Variants in PPIL2 observed in about 807,000 individuals in gnomAD.
The protein encoded by PPIL2 is peptidylprolyl isomerase like 2, also known as RING-type E3 ubiquitin-protein ligase PPIL2.
PPIL2 carries 50 observed loss-of-function variants against 75.2 expected under a neutral mutation model. The ratio of observed to expected loss-of-function variants is 0.66; its 90% CI spans 0.53 to 0.84. The LOEUF is 0.84. PPIL2 is among the 40% of genes least tolerant of loss of function. PPIL2 has a pLI of 0.00. For missense variants in PPIL2, 590 were observed against 685.0 expected, an observed-to-expected ratio of 0.86 and a Z score of 1.55; for synonymous variants, 245 against 258.8, an observed-to-expected ratio of 0.95 and a Z score of 0.51.
intron 15 of PPIL2, among the ~76,000 whole-genome samples, chr22:21,691,488 C>T (rs151232419): frequency 0.019 from 2,813 of 151,968 alleles, 78 homozygotes; most frequent in African/African-American, 0.063. Flanking sequence ...AGACCATCCT[C>T]GCTAACACGG....
In PPIL2 at chr22:21,672,615, C is replaced by T. The variant is rs543812303; in HGVS notation, c.243+234C>T. Among the ~76,000 whole-genome samples, 8 of 152,300 alleles carry T rather than the reference C, an allele frequency of 5.3e-5. No individual in the cohort carries two copies. In the South Asian group the frequency reaches 8.3e-4, roughly 16 times the overall value. On this transcript the variant is annotated intron_variant, in intron 5 of 19. Coordinates refer to ENST00000398831, the MANE Select transcript of PPIL2 (RefSeq NM_014337.4). Reference sequence around the variant, plus strand: ...TTTTCTTGGGCCATAGCTGTGACCTCGTCTTAACTTGATTCTATCTGCAAA... The same window carrying T: ...TTTTCTTGGGCCATAGCTGTGACCTTGTCTTAACTTGATTCTATCTGCAAA...
rs941221423 is a variant in PPIL2 at position 21,693,822 on chromosome 22, C to A, written c.1146C>A (p.Ile382=). ...ATCCAGCCCTCCTCCCCAGCTTCAT[C>A]ACGTTTCGCTCCTGTGCCTACCTGG... ...GPNSNRSQFF[I]TFRSCAYLDK... Residue 382 remains isoleucine (I), a synonymous_variant, in exon 16 of 20, where the codon ATC becomes ATA. Transcript: ENST00000398831. 4 of 1,540,632 alleles carry A rather than the reference C, an allele frequency of 2.6e-6. No homozygotes were observed. The highest frequency in any genetic ancestry group is 1.4e-5 in the African/African-American group (1 of 73,280).
At position 21,694,758 on chromosome 22, in the gene PPIL2, G is replaced by GAGAT. The variant is rs775543695; in HGVS notation, c.1274_1277dup (p.Arg427AspfsTer4). ...ACTGAGCCCCCTTTGCTGCTAGGAG[G>GAGAT]AGATCCGCATTGATGCCACTACAGT... On this transcript the variant is annotated frameshift_variant, in exon 18 of 20. Coordinates refer to ENST00000398831, the MANE Select transcript of PPIL2 (RefSeq NM_014337.4). LOFTEE classifies it high-confidence loss of function. 1.8e-5 allele frequency: 29 copies of GAGAT among 1,610,518 alleles called. No homozygotes were observed. The highest frequency in any genetic ancestry group is 2.5e-5 in the Non-Finnish European group (29 of 1,177,886).
Position 21,694,669 on chromosome 22 carries a change from T to G in PPIL2, c.1269+4T>G, listed in dbSNP as rs930160794. On this transcript the variant is annotated splice_donor_region_variant and intron_variant, in intron 17 of 19. Transcript: ENST00000398831. ...CCCCAAAACTGACCGCCCTAAGGTCTGTGCCCAGGGAGGTGGGGCGTGGCG... is the reference window on the plus strand; with the variant it reads ...CCCCAAAACTGACCGCCCTAAGGTCGGTGCCCAGGGAGGTGGGGCGTGGCG... 3.1e-6 allele frequency: 5 copies of G among 1,613,934 alleles called. No homozygotes were observed. In the African/African-American group the frequency reaches 6.7e-5, roughly 22 times the overall value.
At chr22:21,692,877 C>G (rs861822) in intron 15 of PPIL2, among the ~76,000 whole-genome samples, 146,857 of 149,748 alleles carry the variant, frequency 0.98, 72,107 homozygotes, top group African/African-American at 1. Context: ...AGTGAACCGA[C>G]ATCGCGCCAC....
In PPIL2 at chr22:21,669,943, T is replaced by G. The variant is rs1409581266; in HGVS notation, c.63T>G (p.Phe21Leu). 6.2e-7 allele frequency: 1 copy of G among 1,614,038 alleles called. No homozygotes were observed. Among genetic ancestry groups the G allele is most frequent in the East Asian group, 2.2e-5 (1 of 44,876 alleles). ...MYITCAEYTHFYGGKKPDLPQ... is the reference protein window; with the variant it reads ...MYITCAEYTHLYGGKKPDLPQ... ...TTACCTGTGCTGAATACACTCACTT[T>G]TATGGTGGCAAGAAGCCAGGTAAGG... is the stretch of plus-strand genomic sequence containing the variant. The change falls in exon 2 of 20, where the codon TTT becomes TTG. Residue 21 changes from phenylalanine to leucine, a missense_variant. Phe to Leu is a conservative substitution (Grantham distance 22). Transcript: ENST00000398831.
intron 6 of PPIL2, among the ~76,000 whole-genome samples, chr22:21,677,070 G>A (rs564734533): frequency 6.6e-6 from 1 of 151,090 alleles, no homozygotes; most frequent in Non-Finnish European, 1.5e-5. Context: ...GCTGCCGGGC[G>A]GAGACGCTCC....
chr22:21,674,983 T>G, intron 5 of PPIL2, 81 bp from the exon 6 acceptor site: 1 of 1,320,948 alleles, frequency 7.6e-7, no homozygotes, highest in East Asian at 2.3e-5. Context: ...CAGAGACTTT[T>G]CCTGCCTGTC....
intron 15 of PPIL2, among the ~76,000 whole-genome samples, chr22:21,692,063 C>G (rs1245877552): frequency 7.4e-6 from 1 of 134,648 alleles, no homozygotes; most frequent in Admixed American, 7.5e-5. Flanking sequence ...TGTCTTCCAT[C>G]GTTTTCTTTT....
Position 21,681,407 on chromosome 22 carries a change from G to C in PPIL2, c.387+17G>C, listed in dbSNP as rs763828449. The C allele has an allele frequency of 6.6e-5, 106 of 1,596,598 alleles. No homozygotes were observed. The Middle Eastern group carries it at 1.5e-3, about 22-fold the overall frequency. On this transcript the variant is annotated intron_variant, in intron 7 of 19. Coordinates refer to ENST00000398831, the MANE Select transcript of PPIL2 (RefSeq NM_014337.4). ...GCCTATGAGGTGTGTCCTCGCTCCG[G>C]GGCGTGGAGACAGCGGTGGGGAGAT... is the stretch of plus-strand genomic sequence containing the variant.
chr22:21,690,485 A>C (rs1308823649), intron 15 of PPIL2, among the ~76,000 whole-genome samples: 2 of 151,894 alleles, frequency 1.3e-5, no homozygotes, highest in African/African-American at 4.8e-5. Flanking sequence ...TTCAGGGTTA[A>C]CGGGCACTTG....
At chr22:21,684,454 C>CAAAAAAAAAAAAAAAAA (rs1028354500) in intron 9 of PPIL2, among the ~76,000 whole-genome samples, 8 of 47,510 alleles carry the variant, frequency 1.7e-4, no homozygotes, top group African/African-American at 3.7e-4. Flanking sequence ...TCCATCTCCA[C>CAAAAAAAAAAAAAAAAA]AAAAAAAAAA....
At chr22:21,666,309 G>T (rs1360461770) in intron 1 of PPIL2, among the ~76,000 whole-genome samples, 178 bp downstream of exon 1, 3 of 152,208 alleles carry the variant, frequency 2.0e-5, no homozygotes, top group East Asian at 1.9e-4. Flanking sequence ...GGGCCGCCGC[G>T]CTCTCCCGGG....
At chr22:21,672,111 A>G (rs1243806550) in intron 4 of PPIL2, among the ~76,000 whole-genome samples, 3 of 152,244 alleles carry the variant, frequency 2.0e-5, no homozygotes, top group African/African-American at 7.2e-5. Flanking sequence ...TGTTGTTTAT[A>G]CATAACTACA....
intron 10 of PPIL2, chr22:21,685,649 G>GT (rs746296751): frequency 8.0e-5 from 36 of 451,580 alleles, no homozygotes; most frequent in Non-Finnish European, 1.6e-4. Flanking sequence ...ATCTTGCTAT[G>GT]TTGTCTAAGC....
rs2067965164 is a variant in PPIL2 at position 21,697,028 on chromosome 22, C to T, written c.*1538C>T. 31 of 1,532,766 alleles carry T rather than the reference C, an allele frequency of 2.0e-5. No individual in the cohort carries two copies. In the South Asian group the frequency reaches 3.6e-4, roughly 18 times the overall value. 94.9% of individuals were successfully genotyped at this position (1,532,766 alleles called of 1,614,324 possible). ...AGCCCATCCCTCTGCAGCCTGTCAT[C>T]CCTGTCTGTGACCATTGGTCGGGCC... is the stretch of plus-strand genomic sequence containing the variant. On this transcript the variant is annotated 3_prime_UTR_variant, in exon 20 of 20. Transcript: ENST00000398831.
chr22:21,675,770 G>A (rs976664262), intron 6 of PPIL2, among the ~76,000 whole-genome samples: 1 of 152,198 alleles, frequency 6.6e-6, no homozygotes, highest in Admixed American at 6.5e-5. Context: ...GAACCAAGGC[G>A]GCAGCTGAGT....
In PPIL2 at chr22:21,666,092, G is replaced by T; in HGVS notation, c.-8G>T. The T allele has an allele frequency of 6.2e-7, 1 of 1,612,786 alleles. No homozygotes were observed. Among genetic ancestry groups the T allele is most frequent in the Non-Finnish European group, 8.5e-7 (1 of 1,179,418 alleles). ...TTCGTGCTCGCTAGTCGCCGCCGCC[G>T]CTCCGCCATGGGGAAGCGACAGCAC... On this transcript the variant is annotated 5_prime_UTR_variant, in exon 1 of 20. Coordinates refer to ENST00000398831, the MANE Select transcript of PPIL2 (RefSeq NM_014337.4).
At chr22:21,693,362 C>G (rs2067768903) in intron 15 of PPIL2, among the ~76,000 whole-genome samples, 1 of 152,174 alleles carries the variant, frequency 6.6e-6, no homozygotes, top group African/African-American at 2.4e-5. Flanking sequence ...TGAGCATTTT[C>G]TTAGTCCATG....
Sources: gnomAD v4.1 joint callset for allele counts (sites outside exome capture counted in the v4.1 genomes callset) on GRCh38, gnomAD v4.1.1 for gene constraint, MANE v1.5 for transcripts, NCBI Gene and HGNC (gene_info 2026-07-23, HGNC 2026-07-21) for gene names.